Variants in IARS2 observed in about 807,000 individuals in gnomAD.
The protein encoded by IARS2 is isoleucyl-tRNA synthetase 2, mitochondrial, also known as isoleucine--tRNA ligase, mitochondrial.
In IARS2, 56 loss-of-function variants were observed where a neutral mutation model predicts 126.3. The ratio of observed to expected loss-of-function variants is 0.44; its 90% CI spans 0.36 to 0.55. The LOEUF (loss-of-function observed/expected upper bound fraction) is 0.55. IARS2 is among the 20% of genes least tolerant of loss of function. The pLI, the probability that IARS2 is intolerant of heterozygous loss-of-function variation, is 0.00. For missense variants in IARS2, 1,127 were observed against 1,245.9 expected, an observed-to-expected ratio of 0.90 and a Z score of 1.44; for synonymous variants, 407 against 441.1, an observed-to-expected ratio of 0.92 and a Z score of 0.97.
At chr1:220,134,186 A>C (rs1216248194) in intron 14 of IARS2, among the ~76,000 whole-genome samples, 1 of 152,208 alleles carries the variant, frequency 6.6e-6, no homozygotes, top group African/African-American at 2.4e-5. Context: ...ATTTCAGTAC[A>C]TCATTTCAGA....
chr1:220,120,087 T>C (rs994731874), intron 12 of IARS2, among the ~76,000 whole-genome samples: 1 of 151,698 alleles, frequency 6.6e-6, no homozygotes, highest in Non-Finnish European at 1.5e-5. Flanking sequence ...TCACACTTTT[T>C]TTTTTTTTTT....
At chr1:220,118,390 T>G in intron 12 of IARS2, 1 of 215,722 alleles carries the variant, frequency 4.6e-6, no homozygotes, top group South Asian at 6.5e-5. Flanking sequence ...TTTATTTTGA[T>G]TTGAATTAAT....
At chr1:220,104,912 A>G (rs1003710194) in intron 8 of IARS2, among the ~76,000 whole-genome samples, 1 of 152,190 alleles carries the variant, frequency 6.6e-6, no homozygotes, top group African/African-American at 2.4e-5. Flanking sequence ...TAAAGATACA[A>G]AAACTGCCTA....
chr1:220,125,133 G>T (rs1657126537), intron 12 of IARS2, 104 bp from the exon 13 acceptor site: 2 of 619,710 alleles, frequency 3.2e-6, no homozygotes, highest in East Asian at 2.9e-5. Flanking sequence ...TCAAACTAAG[G>T]TTTGAGGAAA....
intron 21 of IARS2, chr1:220,144,475 G>A: frequency 2.1e-6 from 1 of 483,382 alleles, no homozygotes; most frequent in South Asian, 2.5e-5. Flanking sequence ...GATGTAATTA[G>A]CAAGATTAAG....
rs1373580628 is a variant in IARS2 at position 220,145,662 on chromosome 1, G to T, written c.2896+9G>T. ...CCTCATCAACTTAGAAGGTAAGAAGGAGATGAAAGTAACAAGTAACATCTG... is the reference window on the plus strand; with the variant it reads ...CCTCATCAACTTAGAAGGTAAGAAGTAGATGAAAGTAACAAGTAACATCTG... On this transcript the variant is annotated intron_variant, in intron 22 of 22. Transcript: ENST00000366922. The T allele has an allele frequency of 6.2e-7, 1 of 1,605,698 alleles. No individual in the cohort carries two copies. The highest frequency in any genetic ancestry group is 1.3e-5 in the African/African-American group (1 of 74,696).
At chr1:220,098,166 C>T (rs563093501) in intron 2 of IARS2, among the ~76,000 whole-genome samples, 1 of 152,158 alleles carries the variant, frequency 6.6e-6, no homozygotes, top group Non-Finnish European at 1.5e-5. Flanking sequence ...GGATTACAGG[C>T]GTGAGCCACT....
intron 15 of IARS2, among the ~76,000 whole-genome samples, chr1:220,135,888 A>G (rs1258331464): frequency 6.7e-6 from 1 of 150,184 alleles, no homozygotes; most frequent in Non-Finnish European, 1.5e-5. Flanking sequence ...AACATTTCCA[A>G]CACACTAAAA....
chr1:220,129,228 T>A (rs1397520899), intron 14 of IARS2, among the ~76,000 whole-genome samples: 1 of 152,124 alleles, frequency 6.6e-6, no homozygotes, highest in Admixed American at 6.5e-5. Flanking sequence ...AACAGAAAAA[T>A]TTTAAATTAA....
intron 17 of IARS2, among the ~76,000 whole-genome samples, 180 bp from the exon 18 acceptor site, chr1:220,138,828 A>G (rs1420062340): frequency 6.6e-6 from 1 of 152,180 alleles, no homozygotes; most frequent in African/African-American, 2.4e-5. Flanking sequence ...GGCTATTGGA[A>G]TAAGAGTTTG....
intron 14 of IARS2, among the ~76,000 whole-genome samples, chr1:220,134,130 C>T (rs1004283236): frequency 2.0e-4 from 31 of 152,162 alleles, no homozygotes; most frequent in African/African-American, 7.5e-4. Flanking sequence ...ATTAGATCCA[C>T]GTTATGCATT....
chr1:220,100,533 C>A lies in IARS2; in HGVS notation c.434C>A (p.Ser145Tyr). The change falls in exon 3 of 23, where the codon TCC becomes TAC. Residue 145 changes from serine to tyrosine, a missense_variant. By Grantham distance (144) the Ser-to-Tyr change is moderately radical (BLOSUM62 -2). Coordinates refer to ENST00000366922, the MANE Select transcript of IARS2 (RefSeq NM_018060.4). Reference sequence around the variant, plus strand: ...AATCGATTCCATATGATGAATGGCTCCAAAATACATTTTGTGCCCGGCTGG... The same window carrying A: ...AATCGATTCCATATGATGAATGGCTACAAAATACATTTTGTGCCCGGCTGG... The part of the protein sequence containing the change: ...IANRFHMMNG[S>Y]KIHFVPGWDC... 1 of 1,613,014 alleles carries A rather than the reference C, an allele frequency of 6.2e-7. No individual in the cohort carries two copies. The highest frequency in any genetic ancestry group is 8.5e-7 in the Non-Finnish European group (1 of 1,179,510).
intron 10 of IARS2, among the ~76,000 whole-genome samples, chr1:220,108,394 A>T (rs1165956036): frequency 8.5e-5 from 11 of 129,500 alleles, no homozygotes; most frequent in East Asian, 4.6e-4. Flanking sequence ...TTTTATTTTT[A>T]TTTTTTTTTT....
chr1:220,145,733 G>A (rs577987847), intron 22 of IARS2, 80 bp downstream of exon 22: 3 of 1,199,544 alleles, frequency 2.5e-6, no homozygotes, highest in Non-Finnish European at 3.5e-6. Flanking sequence ...CAGTGGACTG[G>A]GTTTATTCTA....
intron 11 of IARS2, among the ~76,000 whole-genome samples, chr1:220,113,176 A>C (rs1185263339): frequency 3.3e-5 from 5 of 152,162 alleles, no homozygotes; most frequent in Admixed American, 6.5e-5. Flanking sequence ...AACTCTTTAA[A>C]GCATAATTCC....
chr1:220,097,475 T>C (rs1656469941), intron 2 of IARS2, among the ~76,000 whole-genome samples: 1 of 151,262 alleles, frequency 6.6e-6, no homozygotes, highest in Non-Finnish European at 1.5e-5. Context: ...GCGATTCTCC[T>C]GCCTCAGCCT....
In IARS2 at chr1:220,102,344, A is replaced by G; in HGVS notation, c.700-19A>G. The G allele has an allele frequency of 4.3e-6, 7 of 1,612,288 alleles. No homozygotes were observed. Among genetic ancestry groups the G allele is most frequent in the Non-Finnish European group, 5.9e-6 (7 of 1,179,596 alleles). On this transcript the variant is annotated intron_variant, in intron 4 of 22. Coordinates refer to ENST00000366922, the MANE Select transcript of IARS2 (RefSeq NM_018060.4). ...GTTACAAGATTCTACTTTTAACATC[A>G]TATTTTTGTCTTTTATAGGGCTTGG...
At chr1:220,114,293 T>G in intron 11 of IARS2, 21 bp from the exon 12 acceptor site, 4 of 1,604,106 alleles carry the variant, frequency 2.5e-6, no homozygotes, top group Non-Finnish European at 3.4e-6. Flanking sequence ...TCACAAGACT[T>G]GATTTATGAA....
At chr1:220,137,167 C>A (rs1035343137) in intron 16 of IARS2, among the ~76,000 whole-genome samples, 2 of 110,956 alleles carry the variant, frequency 1.8e-5, no homozygotes, top group Non-Finnish European at 4.1e-5. Flanking sequence ...TGTGTAGATC[C>A]TTTTGTGATT....
Sources: allele counts gnomAD v4.1 joint callset (sites outside exome capture counted in the v4.1 genomes callset), GRCh38; gene constraint gnomAD v4.1.1; transcripts MANE v1.5; gene names NCBI Gene and HGNC (gene_info 2026-07-23, HGNC 2026-07-21).